The following XYLT1 variants were observed in gnomAD, a reference collection of about 807,000 sequenced individuals.
XYLT1 encodes beta-D-xylosyltransferase 1.
XYLT1 carries 36 observed loss-of-function variants against 91.3 expected under a neutral mutation model. The observed-to-expected ratio is 0.39, with a 90% CI of 0.30 to 0.52. The LOEUF is 0.52. Among genes scored for constraint, XYLT1 ranks in the 20% least tolerant of loss-of-function variants. The pLI is 0.68. For synonymous variants in XYLT1, 588 were observed against 532.0 expected (o/e 1.11, Z -1.45); for missense variants, 1,242 against 1,284.5 (o/e 0.97, Z 0.51).
intron 2 of XYLT1, among the ~76,000 whole-genome samples, chr16:17,335,549 G>A (rs926843583): frequency 5.3e-5 from 8 of 151,994 alleles, no homozygotes; most frequent in African/African-American, 1.9e-4. Context: ...AATTAGCGGG[G>A]CATGGTGGCG....
At chr16:17,115,090 C>T (rs12933479) in intron 11 of XYLT1, among the ~76,000 whole-genome samples, 81,468 of 151,688 alleles carry the variant, frequency 0.54, 24,918 homozygotes, top group Non-Finnish European at 0.68. Flanking sequence ...GTGATCCACC[C>T]GCCTCGGCCT....
intron 2 of XYLT1, among the ~76,000 whole-genome samples, chr16:17,348,269 C>A (rs1431295929): frequency 6.6e-6 from 1 of 152,112 alleles, no homozygotes; most frequent in Non-Finnish European, 1.5e-5. Context: ...CCACGCTGAG[C>A]CTCCACCTCC....
chr16:17,149,652 T>A (rs762976760), intron 6 of XYLT1, among the ~76,000 whole-genome samples: 4 of 152,230 alleles, frequency 2.6e-5, no homozygotes, highest in Non-Finnish European at 2.9e-5. Flanking sequence ...AAGGGCAGTT[T>A]AGCTGCCTGA....
intron 3 of XYLT1, among the ~76,000 whole-genome samples, chr16:17,205,340 T>C (rs1024194131): frequency 9.2e-5 from 14 of 152,246 alleles, no homozygotes; most frequent in African/African-American, 3.1e-4. Context: ...TCCACTGTTG[T>C]GGTGCTGGCA....
intron 5 of XYLT1, among the ~76,000 whole-genome samples, chr16:17,182,230 A>G (rs1326200487): frequency 6.6e-6 from 1 of 152,160 alleles, no homozygotes; most frequent in Non-Finnish European, 1.5e-5. Flanking sequence ...AAGACACCAT[A>G]ACTGGGTGGG....
At chr16:17,444,055 C>T (rs1410846479) in intron 1 of XYLT1, among the ~76,000 whole-genome samples, 1 of 152,190 alleles carries the variant, frequency 6.6e-6, no homozygotes, top group African/African-American at 2.4e-5. Context: ...GAATCCCAAG[C>T]TTCCTCCAGC....
intron 2 of XYLT1, among the ~76,000 whole-genome samples, chr16:17,339,798 A>T (rs2035038981): frequency 6.6e-6 from 1 of 152,060 alleles, no homozygotes; most frequent in Non-Finnish European, 1.5e-5. Flanking sequence ...ATGAACTGAG[A>T]TATTTTATCT....
chr16:17,413,117 C>T (rs191324533), intron 1 of XYLT1, among the ~76,000 whole-genome samples: 178 of 152,296 alleles, frequency 1.2e-3, no homozygotes, highest in African/African-American at 3.8e-3. Context: ...GTGCCTGACA[C>T]GCAGTAGGCA....
intron 2 of XYLT1, among the ~76,000 whole-genome samples, chr16:17,313,688 T>C (rs200633551): frequency 7.0e-6 from 1 of 143,106 alleles, no homozygotes; most frequent in Non-Finnish European, 1.5e-5. Context: ...TCCAAACCAT[T>C]AAAAAAAAAA....
intron 5 of XYLT1, among the ~76,000 whole-genome samples, chr16:17,168,502 G>C (rs2031750591): frequency 6.6e-6 from 1 of 152,086 alleles, no homozygotes; most frequent in African/African-American, 2.4e-5. Context: ...CACTTACCTA[G>C]GTAATGGGGG....
intron 3 of XYLT1, among the ~76,000 whole-genome samples, chr16:17,224,543 C>T (rs1386645282): frequency 6.6e-6 from 1 of 152,168 alleles, no homozygotes; most frequent in African/African-American, 2.4e-5. Flanking sequence ...AAAGCACGTG[C>T]TTTATACTTT....
intron 2 of XYLT1, among the ~76,000 whole-genome samples, chr16:17,299,482 A>G (rs1336359841): frequency 6.6e-6 from 1 of 152,196 alleles, no homozygotes; most frequent in Non-Finnish European, 1.5e-5. Context: ...GAGTTTAATT[A>G]CTCAGATGAT....
chr16:17,118,149 T>G (rs1222895636), intron 10 of XYLT1, among the ~76,000 whole-genome samples, 170 bp from the exon 11 acceptor site: 1 of 152,172 alleles, frequency 6.6e-6, no homozygotes, highest in Non-Finnish European at 1.5e-5. Context: ...AAGCAGAAGA[T>G]CTGGCATCTG....
intron 1 of XYLT1, among the ~76,000 whole-genome samples, chr16:17,466,821 A>C (rs929516641): frequency 6.6e-6 from 1 of 152,220 alleles, no homozygotes; most frequent in African/African-American, 2.4e-5. Flanking sequence ...AATATTATTC[A>C]ATGATGCATA....
chr16:17,451,488 C>T (rs1330142580), intron 1 of XYLT1, among the ~76,000 whole-genome samples: 1 of 152,196 alleles, frequency 6.6e-6, no homozygotes, highest in Non-Finnish European at 1.5e-5. Context: ...GCGTTCTGTC[C>T]ACTGCTCCAA....
chr16:17,158,481 C>T (rs906369033), intron 6 of XYLT1, among the ~76,000 whole-genome samples: 10 of 152,156 alleles, frequency 6.6e-5, no homozygotes, highest in African/African-American at 1.7e-4. Flanking sequence ...GATCTGGGGA[C>T]GTTGCTTACA....
At chr16:17,374,248 G>C (rs1460993287) in intron 1 of XYLT1, among the ~76,000 whole-genome samples, 3 of 152,164 alleles carry the variant, frequency 2.0e-5, no homozygotes, top group Non-Finnish European at 4.4e-5. Flanking sequence ...ACATTGAGAA[G>C]GTGAGTAGCA....
intron 1 of XYLT1, among the ~76,000 whole-genome samples, chr16:17,457,896 A>C (rs1451735007): frequency 6.6e-6 from 1 of 152,228 alleles, no homozygotes; most frequent in Non-Finnish European, 1.5e-5. Flanking sequence ...TACATCTCTA[A>C]TTAATAAAGC....
At chr16:17,311,175 G>A (rs149832914) in intron 2 of XYLT1, among the ~76,000 whole-genome samples, 204 of 152,266 alleles carry the variant, frequency 1.3e-3, no homozygotes, top group African/African-American at 4.6e-3. Flanking sequence ...AGTAGCAGAA[G>A]GGGTTACATC....
Sources: allele counts gnomAD v4.1 joint callset (sites outside exome capture counted in the v4.1 genomes callset), GRCh38; gene constraint gnomAD v4.1.1; transcripts MANE v1.5; gene names NCBI Gene and HGNC (gene_info 2026-07-23, HGNC 2026-07-21).